Variants in NWD2 observed in about 807,000 individuals in gnomAD.
NWD2 encodes NACHT and WD repeat domain-containing protein 2.
NWD2 carries 37 observed loss-of-function variants against 132.7 expected under a neutral mutation model. That is an observed-to-expected ratio of 0.28 (90% CI 0.21 to 0.37). NWD2 has a LOEUF of 0.37. Among genes scored for constraint, NWD2 ranks in the 10% least tolerant of loss-of-function variants. NWD2 has a pLI of 1.00. For missense variants in NWD2, 1,592 were observed against 2,122.4 expected (o/e 0.75, Z 4.91); for synonymous variants, 705 against 803.0 (o/e 0.88, Z 2.06).
chr4:37,414,939 G>A (rs1452506146), intron 3 of NWD2, among the ~76,000 whole-genome samples: 1 of 152,166 alleles, frequency 6.6e-6, no homozygotes, highest in Non-Finnish European at 1.5e-5. Context: ...GGAGCACAGA[G>A]GGGTTAAGTA....
intron 3 of NWD2, among the ~76,000 whole-genome samples, chr4:37,425,358 C>T (rs1311786409): frequency 6.6e-6 from 1 of 152,120 alleles, no homozygotes; most frequent in African/African-American, 2.4e-5. Context: ...GGACTTAACT[C>T]CCCAGATTAT....
chr4:37,320,445 G>A (rs1261022862), intron 1 of NWD2, among the ~76,000 whole-genome samples: 2 of 152,222 alleles, frequency 1.3e-5, no homozygotes, highest in African/African-American at 4.8e-5. Flanking sequence ...TGGCGGCTCT[G>A]TGAGACAGGG....
intron 3 of NWD2, among the ~76,000 whole-genome samples, chr4:37,396,803 C>T (rs1456144905): frequency 1.3e-5 from 2 of 152,220 alleles, no homozygotes; most frequent in East Asian, 3.9e-4. Context: ...AAGGCCGAGG[C>T]GGGTGGATCA....
intron 1 of NWD2, among the ~76,000 whole-genome samples, chr4:37,248,291 C>T (rs551064572): frequency 1.5e-3 from 223 of 149,970 alleles, no homozygotes; most frequent in African/African-American, 5.2e-3. Context: ...GCTATGCTGA[C>T]CCACTTTGCT....
intron 3 of NWD2, among the ~76,000 whole-genome samples, chr4:37,370,815 GC>G (rs1212504571): frequency 6.6e-6 from 1 of 152,116 alleles, no homozygotes; most frequent in Non-Finnish European, 1.5e-5. Flanking sequence ...AAATATTAAT[GC>G]TAGCCTTAAT....
chr4:37,292,672 A>G (rs1279321224), intron 1 of NWD2, among the ~76,000 whole-genome samples: 2 of 152,098 alleles, frequency 1.3e-5, no homozygotes, highest in African/African-American at 4.8e-5. Flanking sequence ...TCTCTAAAGC[A>G]TTGGTCCCCA....
chr4:37,420,475 A>G (rs1711774427), intron 3 of NWD2, among the ~76,000 whole-genome samples: 1 of 152,122 alleles, frequency 6.6e-6, no homozygotes, highest in African/African-American at 2.4e-5. Context: ...CACGAGGTCA[A>G]GAGATCAAGA....
At chr4:37,375,574 T>G (rs1720330350) in intron 3 of NWD2, among the ~76,000 whole-genome samples, 1 of 151,044 alleles carries the variant, frequency 6.6e-6, no homozygotes, top group Admixed American at 6.6e-5. Context: ...CACTTTTTTT[T>G]TTTTTTTTTT....
At chr4:37,353,689 T>C (rs976698955) in intron 2 of NWD2, among the ~76,000 whole-genome samples, 4 of 152,154 alleles carry the variant, frequency 2.6e-5, no homozygotes, top group Non-Finnish European at 4.4e-5. Flanking sequence ...GTTTTTCAGC[T>C]CCATCAGGTC....
At chr4:37,374,770 C>A (rs564354975) in intron 3 of NWD2, among the ~76,000 whole-genome samples, 1 of 152,262 alleles carries the variant, frequency 6.6e-6, no homozygotes, top group South Asian at 2.1e-4. Context: ...ATAACAGCAA[C>A]AATACTAATA....
rs374831822 is a variant in NWD2, at chr4:37,259,001, G to A, written c.151+13783G>A. Reference sequence around the variant, plus strand: ...AGGGAGTCCCCTCTTAACACTCCACGGACCTCAAAATGGGTGTGTAAATTT... The same window carrying A: ...AGGGAGTCCCCTCTTAACACTCCACAGACCTCAAAATGGGTGTGTAAATTT... On this transcript the variant is annotated intron_variant, in intron 1 of 6. Coordinates refer to ENST00000309447, the MANE Select transcript of NWD2 (RefSeq NM_001144990.2). 3.9e-5 allele frequency among the ~76,000 whole-genome samples: 6 copies of A among 152,266 alleles called. No individual in the cohort carries two copies. The South Asian group carries it at 1.0e-3, about 26-fold the overall frequency.
At chr4:37,382,518 A>C (rs1247330072) in intron 3 of NWD2, among the ~76,000 whole-genome samples, 3 of 151,998 alleles carry the variant, frequency 2.0e-5, no homozygotes, top group African/African-American at 7.2e-5. Context: ...TCAGCATCAA[A>C]TTTTATTTGA....
intron 1 of NWD2, among the ~76,000 whole-genome samples, chr4:37,319,803 T>C (rs182584876): frequency 2.0e-5 from 3 of 152,332 alleles, no homozygotes; most frequent in Middle Eastern, 3.4e-3. Context: ...GCTTTATTTC[T>C]GCATTCTCTA....
At chr4:37,345,573 TAGG>T (rs1330530243) in intron 2 of NWD2, among the ~76,000 whole-genome samples, 1 of 152,174 alleles carries the variant, frequency 6.6e-6, no homozygotes, top group Non-Finnish European at 1.5e-5. Context: ...TACTGAGTTG[TAGG>T]AGTTCTTTAT....
At chr4:37,246,164 A>G (rs1717239949) in intron 1 of NWD2, among the ~76,000 whole-genome samples, 1 of 152,214 alleles carries the variant, frequency 6.6e-6, no homozygotes, top group Non-Finnish European at 1.5e-5. Flanking sequence ...TTTGAGAATT[A>G]ACGTTTTCTG....
At chr4:37,316,624 T>C (rs1173299002) in intron 1 of NWD2, among the ~76,000 whole-genome samples, 1 of 152,176 alleles carries the variant, frequency 6.6e-6, no homozygotes, top group African/African-American at 2.4e-5. Context: ...GTTTGGATGA[T>C]GGTTTTCCAC....
intron 3 of NWD2, among the ~76,000 whole-genome samples, chr4:37,422,885 A>G (rs1234396265): frequency 6.6e-6 from 1 of 152,176 alleles, no homozygotes; most frequent in African/African-American, 2.4e-5. Context: ...AAGTATTTGT[A>G]CCCATGAATG....
intron 3 of NWD2, among the ~76,000 whole-genome samples, chr4:37,369,146 C>A (rs1720163061): frequency 6.6e-6 from 1 of 152,106 alleles, no homozygotes; most frequent in Non-Finnish European, 1.5e-5. Context: ...TAAATATACA[C>A]ACTGAAACAC....
rs564029526 is a variant in NWD2, at chr4:37,388,680, C to T, written c.357+32198C>T. Among the ~76,000 whole-genome samples, 297 of 142,604 alleles carry T rather than the reference C, an allele frequency of 2.1e-3. 2 individuals carry two copies. Among genetic ancestry groups the T allele is most frequent in the Middle Eastern group, 3.6e-3 (1 of 274 alleles). 93.6% of individuals were successfully genotyped at this position (142,604 alleles called of 152,430 possible). A position where few individuals can be genotyped will look rare whatever the true frequency, so the allele number is the denominator to read the frequency against. ...ATATATATCATATATAAATATATAT[C>T]GTATATATCATATATAAATATATGA... is the stretch of plus-strand genomic sequence containing the variant. On this transcript the variant is annotated intron_variant, in intron 3 of 6. Transcript: ENST00000309447.
Sources: allele counts gnomAD v4.1 joint callset (sites outside exome capture counted in the v4.1 genomes callset), GRCh38; gene constraint gnomAD v4.1.1; transcripts MANE v1.5; gene names NCBI Gene and HGNC (gene_info 2026-07-23, HGNC 2026-07-21).